RFC3: variants seen among roughly 807,000 people sequenced by gnomAD.
RFC3 encodes the protein A1 38 kDa subunit.
Under a neutral mutation model 45.1 loss-of-function variants are expected in RFC3, and 41 were observed. The ratio of observed to expected loss-of-function variants is 0.91; its 90% CI spans 0.71 to 1.18. RFC3 has a LOEUF of 1.18. RFC3 is among the 50% of genes most tolerant of loss of function. The pLI is 0.00. For missense variants in RFC3, 423 were observed against 428.1 expected, an observed-to-expected ratio of 0.99 and a Z score of 0.10; for synonymous variants, 149 against 144.0, an observed-to-expected ratio of 1.03 and a Z score of -0.25.
chr13:33,941,222 C>T (rs80034741), intron 8 of RFC3, among the ~76,000 whole-genome samples: 3,667 of 152,202 alleles, frequency 0.024, 130 homozygotes, highest in African/African-American at 0.08. Flanking sequence ...CTCCGTCTCA[C>T]TTTCCTGAGA....
At chr13:33,919,145 G>A (rs9563932) in intron 8 of RFC3, among the ~76,000 whole-genome samples, 40,345 of 151,974 alleles carry the variant, frequency 0.27, 7,833 homozygotes, top group African/African-American at 0.52. Flanking sequence ...TGTTTATGTT[G>A]ATGATGTTTT....
At chr13:33,954,770 T>C (rs921162401) in intron 8 of RFC3, among the ~76,000 whole-genome samples, 1 of 151,966 alleles carries the variant, frequency 6.6e-6, no homozygotes, top group Non-Finnish European at 1.5e-5. Context: ...ATCACTAATC[T>C]CCTCACGAGG....
chr13:33,933,386 T>C (rs2082864752), intron 8 of RFC3, among the ~76,000 whole-genome samples: 2 of 152,134 alleles, frequency 1.3e-5, no homozygotes, highest in Admixed American at 1.3e-4. Flanking sequence ...AAACAATTTA[T>C]CCCAAGAACT....
At chr13:33,883,809 A>C (rs7328228) in intron 8 of RFC3, among the ~76,000 whole-genome samples, 116,623 of 152,058 alleles carry the variant, frequency 0.77, 47,235 homozygotes, top group Non-Finnish European at 0.92. Context: ...AGGAGAGAGA[A>C]GATCAGGAAA....
chr13:33,969,903 C>T (rs58534324), downstream of RFC3, among the ~76,000 whole-genome samples: 2 of 149,028 alleles, frequency 1.3e-5, no homozygotes, highest in African/African-American at 5.0e-5. Context: ...TATTTATTGT[C>T]AGATTTGTTT....
intron 7 of RFC3, among the ~76,000 whole-genome samples, chr13:33,834,307 T>C (rs1464821768): frequency 1.6e-5 from 2 of 124,666 alleles, no homozygotes; most frequent in South Asian, 2.6e-4. Context: ...TGTATATATA[T>C]ATATATATAT....
At chr13:33,875,690 G>C (rs902436998) in intron 8 of RFC3, among the ~76,000 whole-genome samples, 1 of 152,072 alleles carries the variant, frequency 6.6e-6, no homozygotes, top group Non-Finnish European at 1.5e-5. Flanking sequence ...AGGTTTCAAG[G>C]CTCGGGGGCC....
At chr13:33,931,306 T>A (rs1388370071) in intron 8 of RFC3, among the ~76,000 whole-genome samples, 1 of 152,084 alleles carries the variant, frequency 6.6e-6, no homozygotes, top group Non-Finnish European at 1.5e-5. Context: ...TTCTCAGACT[T>A]TAGCACACAA....
intron 8 of RFC3, among the ~76,000 whole-genome samples, chr13:33,872,523 C>T (rs1160159029): frequency 1.3e-5 from 2 of 152,146 alleles, no homozygotes; most frequent in African/African-American, 2.4e-5. Context: ...CACCTGAGGT[C>T]GGGAGTTCGA....
chr13:33,868,753 CTG>C (rs1384033408), intron 8 of RFC3, among the ~76,000 whole-genome samples: 3 of 152,168 alleles, frequency 2.0e-5, no homozygotes, highest in African/African-American at 7.2e-5. Flanking sequence ...TTCAATAGCT[CTG>C]TGATTTTGTT....
chr13:33,954,963 A>G (rs1056055744), intron 8 of RFC3, among the ~76,000 whole-genome samples: 2 of 152,208 alleles, frequency 1.3e-5, no homozygotes, highest in African/African-American at 4.8e-5. Flanking sequence ...ATGTCTCTCC[A>G]GCAAACATTT....
intron 8 of RFC3, among the ~76,000 whole-genome samples, chr13:33,932,737 A>T (rs1440382514): frequency 6.6e-6 from 1 of 152,170 alleles, no homozygotes; most frequent in Non-Finnish European, 1.5e-5. Context: ...CATAAACCAC[A>T]TCCAATGCTA....
At chr13:33,853,363 TAGAA>T (rs75150534) in intron 8 of RFC3, among the ~76,000 whole-genome samples, 1,977 of 152,300 alleles carry the variant, frequency 0.013, 22 homozygotes, top group South Asian at 0.032. Flanking sequence ...GAACTCTTAT[TAGAA>T]AGAAATTGCT....
the RFC3 span, among the ~76,000 whole-genome samples, chr13:33,973,250 T>C: frequency 1.3e-5 from 2 of 152,266 alleles, no homozygotes; most frequent in South Asian, 2.1e-4. Context: ...TGGAAAGATA[T>C]CTTAAAGGAG....
downstream of RFC3, among the ~76,000 whole-genome samples, chr13:33,968,002 AC>A (rs2083095849): frequency 6.6e-6 from 1 of 152,250 alleles, no homozygotes; most frequent in South Asian, 2.1e-4. Flanking sequence ...ATGTGAATTT[AC>A]AGAAAGACAA....
intron 8 of RFC3, among the ~76,000 whole-genome samples, chr13:33,888,298 T>C (rs1439389975): frequency 6.6e-6 from 1 of 152,176 alleles, no homozygotes; most frequent in African/African-American, 2.4e-5. Flanking sequence ...TATAACACAG[T>C]GGCCTTGGTT....
chr13:33,856,142 A>G (rs1233722906), intron 8 of RFC3, among the ~76,000 whole-genome samples: 1 of 152,146 alleles, frequency 6.6e-6, no homozygotes. Flanking sequence ...GTTGGTTTTC[A>G]TATATGGTAT....
chr13:33,915,543 T>C (rs2082727707), intron 8 of RFC3, among the ~76,000 whole-genome samples: 1 of 152,060 alleles, frequency 6.6e-6, no homozygotes, highest in Non-Finnish European at 1.5e-5. Context: ...TCCTTGGGGG[T>C]AGATTTCTGT....
chr13:33,951,424 G>C (rs1311100813), intron 8 of RFC3, among the ~76,000 whole-genome samples: 5 of 151,794 alleles, frequency 3.3e-5, no homozygotes, highest in Non-Finnish European at 5.9e-5. Context: ...GTAGAGACGG[G>C]GTTTCACCGT....
Sources: gnomAD v4.1 joint callset for allele counts (sites outside exome capture counted in the v4.1 genomes callset) on GRCh38, gnomAD v4.1.1 for gene constraint, MANE v1.5 for transcripts, NCBI Gene and HGNC (gene_info 2026-07-23, HGNC 2026-07-21) for gene names.